Variants in NRG1 observed in about 807,000 individuals in gnomAD.
The protein encoded by NRG1 is neuregulin 1, also known as pro-neuregulin-1, membrane-bound isoform.
In NRG1, 18 loss-of-function variants were observed where a neutral mutation model predicts 63.8. That is an observed-to-expected ratio of 0.28 (90% CI 0.19 to 0.42). The LOEUF (loss-of-function observed/expected upper bound fraction) is 0.42. Among genes scored for constraint, NRG1 ranks in the 10% least tolerant of loss-of-function variants. The pLI is 1.00. For missense variants in NRG1, 762 were observed against 814.7 expected, an observed-to-expected ratio of 0.94 and a Z score of 0.79; for synonymous variants, 302 against 301.3, an observed-to-expected ratio of 1.00 and a Z score of -0.02.
At chr8:32,346,725 A>G (rs901370396) in intron 1 of NRG1, among the ~76,000 whole-genome samples, 3 of 152,152 alleles carry the variant, frequency 2.0e-5, no homozygotes, top group Admixed American at 6.5e-5. Context: ...GATATAGCAT[A>G]GTTGGTACAT....
chr8:31,661,664 CTT>C (rs1186376316), intron 1 of NRG1, among the ~76,000 whole-genome samples: 1 of 152,162 alleles, frequency 6.6e-6, no homozygotes, highest in Non-Finnish European at 1.5e-5. Flanking sequence ...TAGCAAATGA[CTT>C]TACACAAAGT....
intron 1 of NRG1, among the ~76,000 whole-genome samples, chr8:32,366,677 G>GTATATATATATATATATA (rs71208175): frequency 4.2e-4 from 37 of 87,480 alleles, no homozygotes; most frequent in Non-Finnish European, 6.5e-4. Flanking sequence ...GTGTGTGTGT[G>GTATATATATATATATATA]TATATATATA....
At chr8:31,880,364 A>T (rs1217942317) in intron 1 of NRG1, among the ~76,000 whole-genome samples, 1 of 152,192 alleles carries the variant, frequency 6.6e-6, no homozygotes, top group African/African-American at 2.4e-5. Flanking sequence ...AATGTAGACA[A>T]ACATGGGTTT....
intron 1 of NRG1, among the ~76,000 whole-genome samples, chr8:31,888,212 G>T (rs1830875090): frequency 6.6e-6 from 1 of 151,666 alleles, no homozygotes; most frequent in Admixed American, 6.6e-5. Flanking sequence ...GTCTTATTTT[G>T]GAACTCACGC....
In NRG1 at chr8:31,651,967, G is replaced by C. The variant is rs549389027; in HGVS notation, c.37+12536G>C. Reference sequence around the variant, plus strand: ...AACTTATGTCCTACAAACACTTTATGTGAAATATTTTAACCAGTGCCTCAT... The same window carrying C: ...AACTTATGTCCTACAAACACTTTATCTGAAATATTTTAACCAGTGCCTCAT... On this transcript the variant is annotated intron_variant, in intron 1 of 10. Coordinates refer to the NRG1 transcript ENST00000519301. Among the ~76,000 whole-genome samples, 5 of 152,222 alleles carry C rather than the reference G, an allele frequency of 3.3e-5. No individual in the cohort carries two copies. The East Asian group carries it at 9.7e-4, about 29-fold the overall frequency.
intron 1 of NRG1, among the ~76,000 whole-genome samples, chr8:31,798,597 A>T (rs1015936343): frequency 6.6e-5 from 10 of 152,256 alleles, no homozygotes; most frequent in Middle Eastern, 3.4e-3. Flanking sequence ...AGTGCCATTG[A>T]CTGTTTGCTT....
chr8:32,363,668 C>A (rs969202360), intron 1 of NRG1, among the ~76,000 whole-genome samples: 1 of 152,072 alleles, frequency 6.6e-6, no homozygotes, highest in South Asian at 2.1e-4. Context: ...CTCTTGGTAC[C>A]TCTCTCTGAC....
chr8:32,701,746 A>G (rs1426462175), intron 5 of NRG1, among the ~76,000 whole-genome samples: 1 of 152,204 alleles, frequency 6.6e-6, no homozygotes, highest in African/African-American at 2.4e-5. Flanking sequence ...TATCTCTATG[A>G]TTTCACCCTG....
rs578260215 is a variant in NRG1 at position 31,873,838 on chromosome 8, T to C, written c.37+234407T>C. 9.2e-5 allele frequency among the ~76,000 whole-genome samples: 14 copies of C among 152,332 alleles called. No homozygotes were observed. In the South Asian group the frequency reaches 2.5e-3, roughly 27 times the overall value. On this transcript the variant is annotated intron_variant, in intron 1 of 10. Transcript: ENST00000519301. ...CAAAGTGGCAGAATATTACTGACAT[T>C]TGAAACAATAGCACAGTCTACCTAT...
At chr8:31,852,573 G>A (rs1449776900) in intron 1 of NRG1, among the ~76,000 whole-genome samples, 1 of 151,320 alleles carries the variant, frequency 6.6e-6, no homozygotes, top group South Asian at 2.1e-4. Context: ...TGTTCACTCT[G>A]ATGGTAGTTT....
intron 1 of NRG1, among the ~76,000 whole-genome samples, chr8:31,795,523 T>A (rs1369680072): frequency 6.6e-6 from 1 of 152,072 alleles, no homozygotes; most frequent in East Asian, 1.9e-4. Context: ...CTCCCTATAT[T>A]GTCCTGTAAC....
chr8:31,780,073 T>C (rs1427183759), intron 1 of NRG1, among the ~76,000 whole-genome samples: 3 of 152,200 alleles, frequency 2.0e-5, no homozygotes, highest in Non-Finnish European at 2.9e-5. Flanking sequence ...AACATAGCCA[T>C]GCTAGTTATA....
intron 1 of NRG1, among the ~76,000 whole-genome samples, chr8:31,936,417 G>A (rs1046464743): frequency 7.2e-5 from 11 of 152,100 alleles, no homozygotes; most frequent in Non-Finnish European, 1.6e-4. Flanking sequence ...ATTTCCTTGT[G>A]TAAGCACCAT....
At chr8:32,106,600 G>C (rs1357139911) in intron 1 of NRG1, among the ~76,000 whole-genome samples, 1 of 152,154 alleles carries the variant, frequency 6.6e-6, no homozygotes, top group Non-Finnish European at 1.5e-5. Context: ...GCCTTCTTCA[G>C]ATGTGAGAGT....
intron 5 of NRG1, among the ~76,000 whole-genome samples, chr8:32,691,722 G>A (rs182639448): frequency 2.6e-5 from 4 of 152,302 alleles, no homozygotes; most frequent in Admixed American, 6.5e-5. Flanking sequence ...AATGAAGGAA[G>A]AACAGCAAAG....
intron 1 of NRG1, among the ~76,000 whole-genome samples, chr8:32,442,196 T>C (rs1250996443): frequency 1.3e-5 from 2 of 152,216 alleles, no homozygotes; most frequent in African/African-American, 2.4e-5. Context: ...CACAGGCAGA[T>C]GTAGCTGTCC....
intron 1 of NRG1, among the ~76,000 whole-genome samples, chr8:32,560,486 A>G (rs2129526799): frequency 6.6e-6 from 1 of 152,326 alleles, no homozygotes; most frequent in South Asian, 2.1e-4. Context: ...TTTATTCAGT[A>G]ACTGACTGAA....
rs1331255274 is a variant in NRG1, at chr8:31,946,682, T to G, written c.37+307251T>G. 4.6e-5 allele frequency among the ~76,000 whole-genome samples: 7 copies of G among 152,246 alleles called. No homozygotes were observed. The East Asian group carries it at 1.4e-3, about 29-fold the overall frequency. ...TGACACTAGCCTATGGCGGCTGTCA[T>G]GAGGATTAGAAAATGGTGTCCCCTC... On this transcript the variant is annotated intron_variant, in intron 1 of 10. Coordinates refer to the NRG1 transcript ENST00000519301.
intron 6 of NRG1, among the ~76,000 whole-genome samples, chr8:32,731,407 CTT>C (rs10673810): frequency 4.8e-5 from 7 of 146,470 alleles, no homozygotes; most frequent in Non-Finnish European, 3.0e-5. Flanking sequence ...GAAATTACAC[CTT>C]TTTTTTTTTT....
Sources: allele counts gnomAD v4.1 joint callset (sites outside exome capture counted in the v4.1 genomes callset), GRCh38; gene constraint gnomAD v4.1.1; transcripts MANE v1.5; gene names NCBI Gene and HGNC (gene_info 2026-07-23, HGNC 2026-07-21).